Variants in STK33 observed in about 807,000 individuals in gnomAD.
STK33 encodes serine/threonine kinase 33, also known as serine/threonine-protein kinase 33.
STK33 carries 52 observed loss-of-function variants against 58.0 expected under a neutral mutation model. The observed-to-expected ratio is 0.90, with a 90% CI of 0.72 to 1.13. STK33 has a LOEUF of 1.13. Among genes scored for constraint, STK33 ranks in the 50% most tolerant of loss-of-function variants. The pLI is 0.00. For missense variants in STK33, 630 were observed against 604.2 expected (o/e 1.04, Z -0.45); for synonymous variants, 215 against 200.1 (o/e 1.07, Z -0.63).
intron 7 of STK33, 121 bp downstream of exon 7, chr11:8,464,588 T>C (rs577242686): frequency 9.1e-5 from 49 of 537,332 alleles, no homozygotes; most frequent in African/African-American, 8.8e-4. Flanking sequence ...CTCTGGGGGA[T>C]CAGCCCAGGC....
At chr11:8,589,016 C>A (rs1343198209) in intron 1 of STK33, among the ~76,000 whole-genome samples, 3 of 152,116 alleles carry the variant, frequency 2.0e-5, no homozygotes, top group Admixed American at 6.5e-5. Context: ...AAGACAGTAA[C>A]AAGTTCTAGT....
intron 8 of STK33, among the ~76,000 whole-genome samples, chr11:8,458,421 T>TAA (rs34675150): frequency 1.4e-5 from 2 of 143,892 alleles, no homozygotes; most frequent in Admixed American, 6.9e-5. Context: ...TATGGGCCAT[T>TAA]AAAAAAAAAA....
intron 1 of STK33, among the ~76,000 whole-genome samples, chr11:8,539,663 T>G (rs1334630219): frequency 1.3e-5 from 2 of 152,182 alleles, no homozygotes; most frequent in African/African-American, 4.8e-5. Context: ...TGAAATTGCT[T>G]CTTCATCATA....
intron 15 of STK33, among the ~76,000 whole-genome samples, chr11:8,399,328 C>T (rs1849960548): frequency 6.6e-6 from 1 of 152,168 alleles, no homozygotes; most frequent in Non-Finnish European, 1.5e-5. Context: ...CAAAACCGCT[C>T]AACTACATGG....
intron 9 of STK33, among the ~76,000 whole-genome samples, chr11:8,455,810 C>CAAAAAAAAAAA (rs1156835375): frequency 2.1e-5 from 1 of 47,116 alleles, no homozygotes; most frequent in Non-Finnish European, 3.9e-5. Flanking sequence ...GACTCTGTCT[C>CAAAAAAAAAAA]AAAAAAAAAA....
rs745759695 is a variant in STK33, at chr11:8,535,393, G to GA, written c.-465-54780dup. Among the ~76,000 whole-genome samples, 101 of 151,822 alleles carry GA rather than the reference G, an allele frequency of 6.7e-4. 2 individuals carry two copies. Among genetic ancestry groups the GA allele is most frequent in the Admixed American group, 4.6e-4 (7 of 15,246 alleles). Reference sequence around the variant, plus strand: ...ACAAGGAACTCAAACAACTCAACAGGAAAAAAGACAGTCCCACTAAAAGGT... The same window carrying GA: ...ACAAGGAACTCAAACAACTCAACAGGAAAAAAAGACAGTCCCACTAAAAGGT... On this transcript the variant is annotated intron_variant, in intron 1 of 15. Coordinates refer to ENST00000687296, the MANE Select transcript of STK33 (RefSeq NM_001352389.2).
At chr11:8,504,541 C>T (rs1951736780) in intron 1 of STK33, among the ~76,000 whole-genome samples, 1 of 152,126 alleles carries the variant, frequency 6.6e-6, no homozygotes, top group African/African-American at 2.4e-5. Flanking sequence ...ATAATCCCAG[C>T]ACTTTGGGAG....
intron 12 of STK33, among the ~76,000 whole-genome samples, chr11:8,437,884 ATC>A (rs1325037607): frequency 6.6e-6 from 1 of 151,962 alleles, no homozygotes; most frequent in Non-Finnish European, 1.5e-5. Flanking sequence ...AATACTTTTT[ATC>A]TCTCTAGCTC....
At chr11:8,487,421 CAAAAAAA>C (rs35061686) in intron 1 of STK33, among the ~76,000 whole-genome samples, 2 of 103,018 alleles carry the variant, frequency 1.9e-5, no homozygotes, top group Non-Finnish European at 4.0e-5. Flanking sequence ...GACCCAGTCT[CAAAAAAA>C]AAAAAAAAAA....
intron 1 of STK33, among the ~76,000 whole-genome samples, chr11:8,579,725 T>G (rs535731640): frequency 6.6e-6 from 1 of 152,122 alleles, no homozygotes; most frequent in African/African-American, 2.4e-5. Flanking sequence ...AGTATGCTAC[T>G]TTCCCTCACC....
At chr11:8,404,860 G>A (rs1453903037) in intron 15 of STK33, among the ~76,000 whole-genome samples, 2 of 152,228 alleles carry the variant, frequency 1.3e-5, no homozygotes, top group Non-Finnish European at 2.9e-5. Flanking sequence ...GTAAATGCCA[G>A]CCAGGCGCGG....
At chr11:8,367,884 CG>C in the STK33 span, among the ~76,000 whole-genome samples, 1 of 152,148 alleles carries the variant, frequency 6.6e-6, no homozygotes, top group South Asian at 2.1e-4. Flanking sequence ...CACACACACA[CG>C]TATACACAGT....
chr11:8,562,000 A>C (rs1056466587), intron 1 of STK33, among the ~76,000 whole-genome samples: 1 of 152,190 alleles, frequency 6.6e-6, no homozygotes, highest in African/African-American at 2.4e-5. Context: ...ACAGCTATAA[A>C]GCCTCACATC....
Position 8,452,896 on chromosome 11 carries a change from A to G in STK33, c.797T>C (p.Phe266Ser), listed in dbSNP as rs761271879. 6.2e-7 allele frequency: 1 copy of G among 1,614,050 alleles called. No homozygotes were observed. The highest frequency in any genetic ancestry group is 1.7e-5 in the Admixed American group (1 of 60,008). The change falls in exon 11 of 16, where the codon TTT becomes TCT. Residue 266 changes from phenylalanine to serine, a missense_variant. Transcript: ENST00000687296. Reference sequence around the variant, plus strand: ...ACTTTGCTTCTTCACCGCTAAGCCAAAATCAGTCACCTGGGAGAAGAAATT... The same window carrying G: ...ACTTTGCTTCTTCACCGCTAAGCCAGAATCAGTCACCTGGGAGAAGAAATT... ...EINLNIKVTD[F>S]GLAVKKQSRS...
At chr11:8,370,805 G>A in the STK33 span, among the ~76,000 whole-genome samples, 7 of 152,208 alleles carry the variant, frequency 4.6e-5, no homozygotes, top group Non-Finnish European at 8.8e-5. Context: ...CAGGAGGACT[G>A]CGCCCAGCAC....
At chr11:8,564,824 A>G (rs934259679) in intron 1 of STK33, among the ~76,000 whole-genome samples, 5 of 152,222 alleles carry the variant, frequency 3.3e-5, no homozygotes, top group African/African-American at 1.2e-4. Flanking sequence ...GGGAAATTCA[A>G]CAACCGGTGC....
chr11:8,496,422 T>C (rs1411105496), intron 1 of STK33, among the ~76,000 whole-genome samples: 1 of 152,202 alleles, frequency 6.6e-6, no homozygotes, highest in Non-Finnish European at 1.5e-5. Context: ...TCTCCGTCTG[T>C]TTTGTATAAT....
chr11:8,457,527 G>A, intron 8 of STK33, 48 bp from the exon 9 acceptor site: 2 of 1,462,834 alleles, frequency 1.4e-6, no homozygotes, highest in Admixed American at 1.9e-5. Context: ...ATATATCTGG[G>A]GATCTTTAAA....
At position 8,502,606 on chromosome 11, in the gene STK33, G is replaced by A. The variant is rs985500549; in HGVS notation, c.-465-21992C>T. Among the ~76,000 whole-genome samples the A allele has an allele frequency of 5.3e-5, 8 of 152,052 alleles. No individual in the cohort carries two copies. The East Asian group carries it at 1.5e-3, about 29-fold the overall frequency. On this transcript the variant is annotated intron_variant, in intron 1 of 15. Coordinates refer to ENST00000687296, the MANE Select transcript of STK33 (RefSeq NM_001352389.2). ...CATGATAAAGATGCCAAAAGCAACT[G>A]CAACAAAAACAAAAATTGACAAATG...
Sources: allele counts gnomAD v4.1 joint callset (sites outside exome capture counted in the v4.1 genomes callset), GRCh38; gene constraint gnomAD v4.1.1; transcripts MANE v1.5; gene names NCBI Gene and HGNC (gene_info 2026-07-23, HGNC 2026-07-21).